Variants in ACSBG1 observed in about 807,000 individuals in gnomAD.
ACSBG1 encodes long-chain-fatty-acid--CoA ligase ACSBG1.
In ACSBG1, 39 loss-of-function variants were observed where a neutral mutation model predicts 80.2. The observed-to-expected ratio is 0.49, with a 90% CI of 0.38 to 0.64. ACSBG1 has a LOEUF of 0.64. Ranked by LOEUF, ACSBG1 falls within the 30% of genes least tolerant of loss-of-function variation. The pLI is 0.00. For synonymous variants in ACSBG1, 392 were observed against 379.5 expected (o/e 1.03, Z -0.38); for missense variants, 828 against 966.4 (o/e 0.86, Z 1.90).
intron 1 of ACSBG1, among the ~76,000 whole-genome samples, chr15:78,212,336 G>A (rs976075385): frequency 5.9e-5 from 9 of 152,098 alleles, no homozygotes; most frequent in East Asian, 5.8e-4. Context: ...TGCTTAGTAC[G>A]TAGTCAGCTC....
In ACSBG1 at chr15:78,182,052, G is replaced by A. The variant is rs756889404; in HGVS notation, c.988C>T (p.His330Tyr). 1 of 1,614,080 alleles carries A rather than the reference G, an allele frequency of 6.2e-7. No individual in the cohort carries two copies. The highest frequency in any genetic ancestry group is 2.2e-5 in the East Asian group (1 of 44,880). The change falls in exon 8 of 14, where the codon CAT (histidine) becomes TAT (tyrosine). Residue 330 changes from histidine to tyrosine, a missense_variant. By Grantham distance (83) the His-to-Tyr change is moderately conservative. Transcript: ENST00000258873. ...AGGTCGTAGATCTGGGCGGCAATAT[G>A]GCTGAGGGGCAGGTAGCTGACTACC... ...EVVVSYLPLS[H>Y]IAAQIYDLWT...
At chr15:78,181,201 C>G in intron 8 of ACSBG1, 2 of 444,574 alleles carry the variant, frequency 4.5e-6, no homozygotes, top group Middle Eastern at 5.8e-4. Flanking sequence ...CTCCATGAGT[C>G]TAACTTAGAC....
At position 78,204,003 on chromosome 15, in the gene ACSBG1, C is replaced by A. The variant is rs188298471; in HGVS notation, c.232+3999G>T. 1.3e-5 allele frequency among the ~76,000 whole-genome samples: 2 copies of A among 152,274 alleles called. 1 individual carries two copies. The highest frequency in any genetic ancestry group is 3.9e-4 in the East Asian group (2 of 5,176). ...AGAAGAGGAAGAGGCCACATTGGCC[C>A]CAGGACATGAAGAGAGATAAGGACA... On this transcript the variant is annotated intron_variant, in intron 2 of 13. Transcript: ENST00000258873.
At chr15:78,214,316 T>G (rs1003387341) in intron 1 of ACSBG1, among the ~76,000 whole-genome samples, 2 of 152,174 alleles carry the variant, frequency 1.3e-5, no homozygotes, top group Admixed American at 6.6e-5. Flanking sequence ...TCCCTCATCT[T>G]TAATTATTAC....
chr15:78,217,891 C>T (rs117590068), intron 1 of ACSBG1, among the ~76,000 whole-genome samples: 230 of 152,120 alleles, frequency 1.5e-3, no homozygotes, highest in Admixed American at 2.6e-3. Context: ...ATAAACCATG[C>T]GCATATATTA....
At chr15:78,228,323 G>A (rs774505226) in intron 1 of ACSBG1, among the ~76,000 whole-genome samples, 7 of 152,164 alleles carry the variant, frequency 4.6e-5, no homozygotes, top group Admixed American at 6.5e-5. Flanking sequence ...GTGCTTTTGC[G>A]GAGCTGAAGA....
chr15:78,229,614 G>A (rs145623325), intron 1 of ACSBG1, among the ~76,000 whole-genome samples: 161 of 152,232 alleles, frequency 1.1e-3, no homozygotes, highest in Non-Finnish European at 1.9e-3. Flanking sequence ...GGTAGGCAGC[G>A]CCGGGAGAGT....
In ACSBG1 at chr15:78,173,819, G is replaced by A; in HGVS notation, c.1863C>T (p.Thr621=). The change falls in exon 13 of 14, where the codon ACC becomes ACT. Residue 621 remains threonine (T), a synonymous_variant. Transcript: ENST00000258873. ...LTLKCTLDPD[T]SDQTDNLTEQ... ...CAGTCAGATTATCAGTCTGGTCAGA[G>A]GTGTCTGGGTCCAGAGTGCACTGAA... 1 of 1,614,020 alleles carries A rather than the reference G, an allele frequency of 6.2e-7. No homozygotes were observed. Among genetic ancestry groups the A allele is most frequent in the Non-Finnish European group, 8.5e-7 (1 of 1,180,008 alleles).
At chr15:78,183,139 A>G (rs974392152) in intron 5 of ACSBG1, among the ~76,000 whole-genome samples, 17 of 152,216 alleles carry the variant, frequency 1.1e-4, no homozygotes, top group African/African-American at 3.6e-4. Context: ...AGAGGGAGAG[A>G]ATTCTATGTG....
intron 1 of ACSBG1, among the ~76,000 whole-genome samples, chr15:78,214,164 C>T (rs2075289834): frequency 6.6e-6 from 1 of 152,226 alleles, no homozygotes; most frequent in Non-Finnish European, 1.5e-5. Flanking sequence ...CCTCTACCTC[C>T]TCCTTCACTA....
At position 78,187,929 on chromosome 15, in the gene ACSBG1, T is replaced by C. The variant is rs1057358011; in HGVS notation, c.664-5144A>G. On this transcript the variant is annotated intron_variant, in intron 5 of 13. Transcript: ENST00000258873. Reference sequence around the variant, plus strand: ...ATGATTGTATATCTAGAAAACCCCATTGTCTCAGCCCAAAATCTCCTTAAG... The same window carrying C: ...ATGATTGTATATCTAGAAAACCCCACTGTCTCAGCCCAAAATCTCCTTAAG... Among the ~76,000 whole-genome samples, 133 of 152,206 alleles carry C rather than the reference T, an allele frequency of 8.7e-4. 1 individual carries two copies. The highest frequency in any genetic ancestry group is 6.8e-3 in the Middle Eastern group (2 of 294).
intron 1 of ACSBG1, among the ~76,000 whole-genome samples, chr15:78,231,680 C>A (rs978298674): frequency 2.0e-5 from 3 of 152,118 alleles, no homozygotes; most frequent in Admixed American, 1.3e-4. Context: ...CCTCACACTC[C>A]TGGGCTCAAG....
Position 78,193,923 on chromosome 15 carries a change from G to T in ACSBG1, c.542+9C>A, listed in dbSNP as rs372368582. 3 of 1,611,928 alleles carry T rather than the reference G, an allele frequency of 1.9e-6. No homozygotes were observed. Among genetic ancestry groups the T allele is most frequent in the Non-Finnish European group, 2.5e-6 (3 of 1,178,692 alleles). Reference sequence around the variant, plus strand: ...CCCTGGAGACCCCGTCCCTGCCCCCGCCACTCACCCTGCAAATACTGTGCC... The same window carrying T: ...CCCTGGAGACCCCGTCCCTGCCCCCTCCACTCACCCTGCAAATACTGTGCC... On this transcript the variant is annotated intron_variant, in intron 4 of 13. Coordinates refer to ENST00000258873, the MANE Select transcript of ACSBG1 (RefSeq NM_015162.5).
Position 78,174,425 on chromosome 15 carries a change from C to T in ACSBG1, c.1802G>A (p.Gly601Glu). ...CATGGACAGGAACTTCCTCTGGTCC[C>T]CAATGAGCATGGCGTTGCTGATGAT... is the stretch of plus-strand genomic sequence containing the variant. ...LPIISNAMLI[G>E]DQRKFLSMLL... The change falls in exon 12 of 14, where the codon GGG (glycine) becomes GAG (glutamate). Residue 601 changes from glycine to glutamate, a missense_variant. This residue lies in a region of ACSBG1 where 201 missense variants were observed against 227.0 expected (regional missense o/e 0.89). Coordinates refer to ENST00000258873, the MANE Select transcript of ACSBG1 (RefSeq NM_015162.5). 1 of 1,614,160 alleles carries T rather than the reference C, an allele frequency of 6.2e-7. No homozygotes were observed. Among genetic ancestry groups the T allele is most frequent in the South Asian group, 1.1e-5 (1 of 91,084 alleles).
intron 4 of ACSBG1, 149 bp from the exon 5 acceptor site, chr15:78,193,775 CAG>C: frequency 6.9e-7 from 1 of 1,441,712 alleles, no homozygotes; most frequent in Non-Finnish European, 9.3e-7. Flanking sequence ...TCCTCCCCTG[CAG>C]AGAGGGCGCC....
At chr15:78,204,537 G>C (rs999251094) in intron 2 of ACSBG1, among the ~76,000 whole-genome samples, 1 of 152,214 alleles carries the variant, frequency 6.6e-6, no homozygotes, top group Non-Finnish European at 1.5e-5. Context: ...GGCTGGGTGG[G>C]TGCCTTGACC....
chr15:78,216,492 C>T (rs1354217275), intron 1 of ACSBG1, among the ~76,000 whole-genome samples: 1 of 152,156 alleles, frequency 6.6e-6, no homozygotes, highest in Admixed American at 6.5e-5. Context: ...CATCCCCAGT[C>T]TCGGTTTTCC....
chr15:78,207,975 C>T (rs556412325), intron 2 of ACSBG1, 27 bp downstream of exon 2: 1 of 1,430,334 alleles, frequency 7.0e-7, no homozygotes, highest in East Asian at 2.3e-5. Context: ...CCGCCCTGCC[C>T]CACCCTACCA....
chr15:78,181,851 T>G, intron 8 of ACSBG1, 118 bp downstream of exon 8: 1 of 1,340,390 alleles, frequency 7.5e-7, no homozygotes, highest in South Asian at 1.4e-5. Context: ...GCTGACAGAA[T>G]TCTGACTGAT....
Sources: gnomAD v4.1 joint callset for allele counts (sites outside exome capture counted in the v4.1 genomes callset) on GRCh38, gnomAD v4.1.1 for gene constraint, gnomAD v4.1.1 regional missense constraint, MANE v1.5 for transcripts, NCBI Gene and HGNC (gene_info 2026-07-23, HGNC 2026-07-21) for gene names.